The following KLF1 variants were observed in gnomAD, a reference collection of about 807,000 sequenced individuals.
KLF1 encodes Krueppel-like factor 1.
A neutral mutation model predicts 28.0 loss-of-function variants in KLF1; 29 were observed. That is an observed-to-expected ratio of 1.04 (90% confidence interval 0.77 to 1.41). The LOEUF is 1.41. KLF1 is among the 40% of genes most tolerant of loss of function. KLF1 has a pLI of 0.00. For missense variants in KLF1, 508 were observed against 515.1 expected, an observed-to-expected ratio of 0.99 and a Z score of 0.13; for synonymous variants, 262 against 242.6, an observed-to-expected ratio of 1.08 and a Z score of -0.74.
chr19:12,884,589 C>T lies in KLF1; in HGVS notation c.*296G>A, dbSNP rs16978754. On this transcript the variant is annotated 3_prime_UTR_variant, in exon 3 of 3. Transcript: ENST00000264834. ...ATCTGGGAGCTGGTCTGAGTGTCCA[C>T]TGAGTCCGTTTATTTGGCGGTCTGT... The T allele has an allele frequency of 0.021, 9,874 of 467,692 alleles. 855 individuals are homozygous for T. The highest frequency in any genetic ancestry group is 0.18 in the African/African-American group (9,059 of 50,796). The allele number at this position is 467,692 out of a possible 1,614,324, so 29.0% of individuals were successfully genotyped here.
At chr19:12,886,609 CTTTT>C (rs969979307) in intron 1 of KLF1, among the ~76,000 whole-genome samples, 1 of 137,832 alleles carries the variant, frequency 7.3e-6, no homozygotes, top group Non-Finnish European at 1.6e-5. Flanking sequence ...GATCTCGTTC[CTTTT>C]TTTTTTTTTT....
chr19:12,886,682 T>G lies in KLF1; in HGVS notation c.87+372A>C, dbSNP rs928343165. 4.0e-5 allele frequency among the ~76,000 whole-genome samples: 6 copies of G among 151,014 alleles called. No individual in the cohort carries two copies. The Admixed American group carries it at 4.0e-4, about 10-fold the overall frequency. On this transcript the variant is annotated intron_variant, in intron 1 of 2. Coordinates refer to ENST00000264834, the MANE Select transcript of KLF1 (RefSeq NM_006563.5). ...GCTGGAGTGCAGTGGTGCAGCTCAC[T>G]GTATCCTTAATCTCCTGGGCTCTAA...
In KLF1 at chr19:12,884,906, C is replaced by T. The variant is rs1568420303; in HGVS notation, c.1068G>A (p.Leu356=). The change falls in exon 3 of 3, where the codon TTG becomes TTA. Residue 356 remains leucine (L), a synonymous_variant. Coordinates refer to ENST00000264834, the MANE Select transcript of KLF1 (RefSeq NM_006563.5). ...GGGCTCAAAGGTGGCGCTTCATGTG[C>T]AAGGCCAGGTGGTCAGAGCGCGAAA... is the stretch of plus-strand genomic sequence containing the variant. ...RAFSRSDHLA[L]HMKRHL is the part of the protein sequence containing the mutation. 1 of 1,614,008 alleles carries T rather than the reference C, an allele frequency of 6.2e-7. No individual in the cohort carries two copies. The highest frequency in any genetic ancestry group is 8.5e-7 in the Non-Finnish European group (1 of 1,180,032).
chr19:12,886,004 C>A lies in KLF1; in HGVS notation c.226G>T (p.Asp76Tyr), dbSNP rs1006742842. The A allele has an allele frequency of 6.3e-7, 1 of 1,597,018 alleles. No homozygotes were observed. The highest frequency in any genetic ancestry group is 8.5e-7 in the Non-Finnish European group (1 of 1,172,582). Residue 76 changes from aspartate to tyrosine, a missense_variant, in exon 2 of 3, where the codon GAT becomes TAT. Transcript: ENST00000264834. Reference sequence around the variant, plus strand: ...CCCGAGAAGTTGGTGAGGAGGAGATCCAGGTCCCAGGTGGCGTCCGCGCCC... The same window carrying A: ...CCCGAGAAGTTGGTGAGGAGGAGATACAGGTCCCAGGTGGCGTCCGCGCCC... ...ERGADATWDLDLLLTNFSGPE... is the reference protein window; with the variant it reads ...ERGADATWDLYLLLTNFSGPE...
intron 1 of KLF1, among the ~76,000 whole-genome samples, chr19:12,886,568 G>A (rs905261964): frequency 2.0e-5 from 3 of 150,484 alleles, no homozygotes; most frequent in African/African-American, 7.3e-5. Flanking sequence ...ATCATTTCCC[G>A]CTGATATCTG....
Position 12,885,273 on chromosome 19 carries a change from C to A in KLF1, c.913+44G>T. On this transcript the variant is annotated intron_variant, in intron 2 of 2. Transcript: ENST00000264834. This position sits in a 1 kb window ranked among gnomAD's most constrained non-coding sequence, Gnocchi z 5.6. ...AACCCTTCTTCCCCTGTAACTACAG[C>A]GGGCGCCGCGCCCTTTCTCATGTCC... The A allele has an allele frequency of 1.3e-6, 2 of 1,502,742 alleles. No homozygotes were observed. Among genetic ancestry groups the A allele is most frequent in the Non-Finnish European group, 1.8e-6 (2 of 1,106,118 alleles). 93.1% of individuals were successfully genotyped at this position (1,502,742 alleles called of 1,614,324 possible).
At chr19:12,886,924 G>T in intron 1 of KLF1, 130 bp downstream of exon 1, 1 of 951,890 alleles carries the variant, frequency 1.1e-6, no homozygotes. Flanking sequence ...CTCCTCTCCT[G>T]GACTGAGCGT....
rs1375155845 is a variant in KLF1, at chr19:12,887,177, C to T, written c.-37G>A. ...GCCCACCCTGGGCCTCAAGCCTCCT[C>T]TTCCTCGGCTGCCTCGTGAACTCTG... On this transcript the variant is annotated 5_prime_UTR_variant, in exon 1 of 3. Coordinates refer to ENST00000264834, the MANE Select transcript of KLF1 (RefSeq NM_006563.5). The surrounding 1 kb of genome is among the most constrained non-coding windows in gnomAD (Gnocchi z 4.7). 1.2e-6 allele frequency: 2 copies of T among 1,607,176 alleles called. No homozygotes were observed. Among genetic ancestry groups the T allele is most frequent in the South Asian group, 2.2e-5 (2 of 90,906 alleles).
chr19:12,884,840 G>A lies in KLF1; in HGVS notation c.*45C>T. On this transcript the variant is annotated 3_prime_UTR_variant, in exon 3 of 3. Transcript: ENST00000264834. ...GAAGAGACCACCAAACAGGCTTCTT[G>A]TCCCATCCCCAGTCACTAGGAGAGT... The A allele has an allele frequency of 6.2e-7, 1 of 1,605,116 alleles. No individual in the cohort carries two copies. Among genetic ancestry groups the A allele is most frequent in the Non-Finnish European group, 8.5e-7 (1 of 1,174,272 alleles).
chr19:12,886,211 C>T (rs1970447115), intron 1 of KLF1, 69 bp from the exon 2 acceptor site: 2 of 1,170,128 alleles, frequency 1.7e-6, no homozygotes, highest in South Asian at 1.4e-5. Context: ...ACATCGCGGG[C>T]TGGACACTCT....
chr19:12,886,302 C>A (rs1037239578), intron 1 of KLF1, among the ~76,000 whole-genome samples, 160 bp from the exon 2 acceptor site: 7 of 151,818 alleles, frequency 4.6e-5, no homozygotes, highest in African/African-American at 1.5e-4. Flanking sequence ...AACCGCCCCT[C>A]TCCCCGCTCC....
intron 1 of KLF1, 62 bp downstream of exon 1, chr19:12,886,992 G>A: frequency 1.4e-5 from 21 of 1,528,784 alleles, no homozygotes; most frequent in Middle Eastern, 1.7e-4. Context: ...TGGACCCCAA[G>A]ATCTGTGACT....
chr19:12,887,199 T>C lies in KLF1; in HGVS notation c.-59A>G. On this transcript the variant is annotated 5_prime_UTR_variant, in exon 1 of 3. Transcript: ENST00000264834. This position sits in a 1 kb window ranked among gnomAD's most constrained non-coding sequence, Gnocchi z 4.7. ...CCTCTTCCTCGGCTGCCTCGTGAAC[T>C]CTGAGGCTGTGATAGCCCCTTCGAG... 1 of 1,560,674 alleles carries C rather than the reference T, an allele frequency of 6.4e-7. No homozygotes were observed.
rs1448773490 is a variant in KLF1, at chr19:12,884,506, T to C, written c.*379A>G. Reference sequence around the variant, plus strand: ...AATAAGGGACCTTCAGGAGCCGCTTTCTAGACCCAGGGTCTCTGGGAAGCC... The same window carrying C: ...AATAAGGGACCTTCAGGAGCCGCTTCCTAGACCCAGGGTCTCTGGGAAGCC... On this transcript the variant is annotated 3_prime_UTR_variant, in exon 3 of 3. Coordinates refer to ENST00000264834, the MANE Select transcript of KLF1 (RefSeq NM_006563.5). The C allele has an allele frequency of 3.9e-6, 1 of 254,642 alleles. No homozygotes were observed. The highest frequency in any genetic ancestry group is 2.2e-5 in the African/African-American group (1 of 44,572). The allele number at this position is 254,642 out of a possible 1,614,324, so 15.8% of individuals were successfully genotyped here.
At position 12,884,744 on chromosome 19, in the gene KLF1, T is replaced by C; in HGVS notation, c.*141A>G. On this transcript the variant is annotated 3_prime_UTR_variant, in exon 3 of 3. Coordinates refer to ENST00000264834, the MANE Select transcript of KLF1 (RefSeq NM_006563.5). ...CGTGTTTGATATTTGGGTGGATCTT[T>C]GGGAACGCGAGTCCAGGAGAGGGTC... 6 of 889,090 alleles carry C rather than the reference T, an allele frequency of 6.7e-6. No individual in the cohort carries two copies. The highest frequency in any genetic ancestry group is 8.9e-6 in the Non-Finnish European group (5 of 563,250). The allele number at this position is 889,090 out of a possible 1,614,324, so 55.1% of individuals were successfully genotyped here. A position where few individuals can be genotyped will look rare whatever the true frequency, so the allele number is the denominator to read the frequency against.
rs1400064136 is a variant in KLF1 at position 12,885,259 on chromosome 19, C to G, written c.913+58G>C. On this transcript the variant is annotated intron_variant, in intron 2 of 2. Transcript: ENST00000264834. This position sits in a 1 kb window ranked among gnomAD's most constrained non-coding sequence, Gnocchi z 5.6. ...GTCCCGCCCTCTGCAACCCTTCTTC[C>G]CCTGTAACTACAGCGGGCGCCGCGC... 1.2e-5 allele frequency: 18 copies of G among 1,471,086 alleles called. No individual in the cohort carries two copies. The highest frequency in any genetic ancestry group is 1.7e-5 in the Non-Finnish European group (18 of 1,080,888). The allele number at this position is 1,471,086 out of a possible 1,614,324, so 91.1% of individuals were successfully genotyped here. A position where few individuals can be genotyped will look rare whatever the true frequency, so the allele number is the denominator to read the frequency against.
At chr19:12,886,269 C>G in intron 1 of KLF1, 127 bp from the exon 2 acceptor site, 1 of 684,672 alleles carries the variant, frequency 1.5e-6, no homozygotes, top group Non-Finnish European at 2.4e-6. Flanking sequence ...CTGTCTGTCC[C>G]ACTTCCCCAA....
chr19:12,885,399 T>G lies in KLF1; in HGVS notation c.831A>C (p.Ala277=). ...GRRSWARKRQ[A]AHTCAHPGCG... ...AACCCGGGTGCGCGCACGTGTGCGC[T>G]GCCTGCCTCTTGCGCGCCCACGAAC... Residue 277 remains alanine, a synonymous_variant, in exon 2 of 3, where the codon GCA becomes GCC. Coordinates refer to ENST00000264834, the MANE Select transcript of KLF1 (RefSeq NM_006563.5). This position sits in a 1 kb window ranked among gnomAD's most constrained non-coding sequence, Gnocchi z 5.6. 1.2e-6 allele frequency: 2 copies of G among 1,606,206 alleles called. No homozygotes were observed. Among genetic ancestry groups the G allele is most frequent in the Non-Finnish European group, 1.7e-6 (2 of 1,176,916 alleles).
intron 1 of KLF1, among the ~76,000 whole-genome samples, chr19:12,886,469 A>G (rs1306454080): frequency 6.6e-6 from 1 of 152,014 alleles, no homozygotes; most frequent in Non-Finnish European, 1.5e-5. Context: ...GCCAGCCTTG[A>G]CTTAGTTTTC....
Sources: gnomAD v4.1 joint callset for allele counts (sites outside exome capture counted in the v4.1 genomes callset) on GRCh38, gnomAD v4.1.1 for gene constraint, Gnocchi (gnomAD v3.1) non-coding constraint, MANE v1.5 for transcripts, NCBI Gene and HGNC (gene_info 2026-07-23, HGNC 2026-07-21) for gene names.